The following CD163L1 variants were observed in gnomAD, a reference collection of about 807,000 sequenced individuals.
CD163L1 encodes scavenger receptor cysteine-rich type 1 protein M160.
A neutral mutation model predicts 165.4 loss-of-function variants in CD163L1; 124 were observed. That is an observed-to-expected ratio of 0.75 (90% CI 0.65 to 0.87). The LOEUF (loss-of-function observed/expected upper bound fraction) is 0.87, where lower values mean the gene tolerates loss of function less well. Among genes scored for constraint, CD163L1 ranks in the 40% least tolerant of loss-of-function variants. The pLI is 0.00. For missense variants in CD163L1, 1,525 were observed against 1,799.9 expected (o/e 0.85, Z 2.76); for synonymous variants, 585 against 662.2 (o/e 0.88, Z 1.79).
At chr12:7,389,247 C>T (rs1947590808) in intron 8 of CD163L1, among the ~76,000 whole-genome samples, 1 of 152,214 alleles carries the variant, frequency 6.6e-6, no homozygotes, top group South Asian at 2.1e-4. Context: ...TCCCTTTTCT[C>T]CACATCCTCA....
chr12:7,387,548 T>C (rs771050970), intron 8 of CD163L1, among the ~76,000 whole-genome samples: 10 of 152,114 alleles, frequency 6.6e-5, no homozygotes, highest in Non-Finnish European at 1.3e-4. Context: ...CTTTTGATAA[T>C]GAGTGAGTTG....
In CD163L1 at chr12:7,403,649, A is replaced by G. The variant is rs1293448728; in HGVS notation, c.1294T>C (p.Trp432Arg). Residue 432 changes from tryptophan to arginine, a missense_variant, in exon 6 of 20, where the codon TGG (tryptophan) becomes CGG (arginine). Trp to Arg is a moderately radical substitution (Grantham distance 101). Transcript: ENST00000313599. ...AKPSNEARDI[W>R]INSISCTGNE... ...CCAGTGCAAGATATGCTGTTTATCCAAATGTCTCTAGCTTCATTACTAGGT... is the reference window on the plus strand; with the variant it reads ...CCAGTGCAAGATATGCTGTTTATCCGAATGTCTCTAGCTTCATTACTAGGT... The G allele has an allele frequency of 6.2e-7, 1 of 1,613,934 alleles. No individual in the cohort carries two copies. Among genetic ancestry groups the G allele is most frequent in the Non-Finnish European group, 8.5e-7 (1 of 1,179,966 alleles).
At position 7,375,919 on chromosome 12, in the gene CD163L1, C is replaced by T. The variant is rs749093464; in HGVS notation, c.2467G>A (p.Asp823Asn). The T allele has an allele frequency of 6.2e-7, 1 of 1,614,098 alleles. No homozygotes were observed. The highest frequency in any genetic ancestry group is 1.3e-5 in the African/African-American group (1 of 74,944). ...ADTWRSVCDSDFSLHAANVLC... is the reference protein window; with the variant it reads ...ADTWRSVCDSNFSLHAANVLC... Reference sequence around the variant, plus strand: ...ACATTGGCAGCATGAAGAGAGAAATCAGAATCACAGACAGAGCGCCATGTG... The same window carrying T: ...ACATTGGCAGCATGAAGAGAGAAATTAGAATCACAGACAGAGCGCCATGTG... Residue 823 changes from aspartate to asparagine, a missense_variant, in exon 10 of 20, where the codon GAT (aspartate) becomes AAT (asparagine). By Grantham distance (23) the Asp-to-Asn change is conservative. Transcript: ENST00000313599.
intron 4 of CD163L1, among the ~76,000 whole-genome samples, chr12:7,424,110 A>G (rs780072334): frequency 6.6e-6 from 1 of 152,300 alleles, no homozygotes; most frequent in Admixed American, 6.5e-5. Context: ...ATCCAGCAGC[A>G]CATCAAAGCT....
At chr12:7,393,257 G>A (rs1331883801) in intron 8 of CD163L1, among the ~76,000 whole-genome samples, 1 of 152,120 alleles carries the variant, frequency 6.6e-6, no homozygotes, top group Non-Finnish European at 1.5e-5. Flanking sequence ...GGGATGCCAG[G>A]CTGGTTCAAC....
downstream of CD163L1, among the ~76,000 whole-genome samples, chr12:7,344,179 C>T (rs116435938): frequency 8.5e-3 from 1,287 of 151,696 alleles, 15 homozygotes; most frequent in African/African-American, 0.029. Context: ...CTCCTGGAGT[C>T]AAGTGATCCT....
At chr12:7,336,400 T>C in the CD163L1 span, among the ~76,000 whole-genome samples, 1 of 152,018 alleles carries the variant, frequency 6.6e-6, no homozygotes, top group African/African-American at 2.4e-5. Flanking sequence ...CAGCAAACTA[T>C]TGCGAGGACA....
chr12:7,426,098 A>C (rs366301), intron 4 of CD163L1, among the ~76,000 whole-genome samples: 18,813 of 152,252 alleles, frequency 0.12, 1,676 homozygotes, highest in African/African-American at 0.24. Flanking sequence ...ACACCATGGA[A>C]TACTATGCAG....
At chr12:7,333,232 A>G in the CD163L1 span, among the ~76,000 whole-genome samples, 1 of 152,218 alleles carries the variant, frequency 6.6e-6, no homozygotes, top group South Asian at 2.1e-4. Flanking sequence ...TTGACCGCAT[A>G]GTTGGAAGTA....
rs1382616468 is a variant in CD163L1 at position 7,368,077 on chromosome 12, G to C, written c.4183+10C>G. 6.7e-7 allele frequency: 1 copy of C among 1,488,678 alleles called. No individual in the cohort carries two copies. Among genetic ancestry groups the C allele is most frequent in the Non-Finnish European group, 9.4e-7 (1 of 1,066,248 alleles). The allele number at this position is 1,488,678 out of a possible 1,614,324, so 92.2% of individuals were successfully genotyped here. On this transcript the variant is annotated intron_variant, in intron 17 of 19. Coordinates refer to ENST00000313599, the MANE Select transcript of CD163L1 (RefSeq NM_174941.6). This position sits in a 1 kb window ranked among gnomAD's most constrained non-coding sequence, Gnocchi z 4.3. ...ACTCACATTTTATACAATCCTAGTG[G>C]GGCTCTCACCTCTGAGGGGCAGATG...
At chr12:7,342,702 C>A (rs1450453160), downstream of CD163L1, among the ~76,000 whole-genome samples, 1 of 152,180 alleles carries the variant, frequency 6.6e-6, no homozygotes, top group Admixed American at 6.5e-5. Context: ...GGCACGATCA[C>A]GGCTCACTGC....
At chr12:7,420,968 T>G (rs1455735108) in intron 4 of CD163L1, among the ~76,000 whole-genome samples, 1 of 119,138 alleles carries the variant, frequency 8.4e-6, no homozygotes, top group African/African-American at 3.4e-5. Flanking sequence ...AATCAATGAC[T>G]GGGTAAAGAA....
chr12:7,426,247 C>T (rs1463215133), intron 4 of CD163L1, among the ~76,000 whole-genome samples: 1 of 151,954 alleles, frequency 6.6e-6, no homozygotes, highest in Non-Finnish European at 1.5e-5. Flanking sequence ...ACAATGAGAA[C>T]AGATGAACGC....
At chr12:7,415,341 C>T (rs993618526) in intron 4 of CD163L1, among the ~76,000 whole-genome samples, 2 of 151,926 alleles carry the variant, frequency 1.3e-5, no homozygotes, top group Non-Finnish European at 2.9e-5. Context: ...AGAAAGGAAT[C>T]AAAGAATACT....
At chr12:7,321,585 A>G in the CD163L1 span, among the ~76,000 whole-genome samples, 2 of 152,236 alleles carry the variant, frequency 1.3e-5, no homozygotes, top group Non-Finnish European at 2.9e-5. Context: ...TCACATTTCA[A>G]GAGTAATTCA....
At chr12:7,331,597 C>G in the CD163L1 span, among the ~76,000 whole-genome samples, 1 of 152,184 alleles carries the variant, frequency 6.6e-6, no homozygotes, top group Non-Finnish European at 1.5e-5. Context: ...TCCAGAGGAA[C>G]GATCAGGCAG....
Position 7,375,316 on chromosome 12 carries a change from C to A in CD163L1, c.2966G>T (p.Cys989Phe). The A allele has an allele frequency of 8.1e-6, 13 of 1,614,120 alleles. No individual in the cohort carries two copies. Among genetic ancestry groups the A allele is most frequent in the Non-Finnish European group, 1.1e-5 (13 of 1,180,006 alleles). The change falls in exon 11 of 20, where the codon TGT (cysteine) becomes TTT (phenylalanine). Residue 989 changes from cysteine to phenylalanine, a missense_variant. Transcript: ENST00000313599. ...CQMTVLGAPP[C>F]IHGNTVSVIC... ...CACAGAGACAGTATTTCCATGGATA[C>A]AGGGAGGTGCTCCAAGAACTGTCAT...
chr12:7,440,260 C>G (rs909698157), intron 2 of CD163L1, among the ~76,000 whole-genome samples: 6 of 151,918 alleles, frequency 3.9e-5, no homozygotes, highest in Non-Finnish European at 8.8e-5. Context: ...CCCCGCGAAG[C>G]TCAGGAGCGC....
intron 18 of CD163L1, among the ~76,000 whole-genome samples, chr12:7,358,640 C>A (rs1946827136): frequency 6.6e-6 from 1 of 152,102 alleles, no homozygotes; most frequent in Non-Finnish European, 1.5e-5. Context: ...CTTACACCAA[C>A]ACTCTCTTTA....
Sources: allele counts gnomAD v4.1 joint callset (sites outside exome capture counted in the v4.1 genomes callset), GRCh38; gene constraint gnomAD v4.1.1; non-coding constraint Gnocchi (gnomAD v3.1); transcripts MANE v1.5; gene names NCBI Gene and HGNC (gene_info 2026-07-23, HGNC 2026-07-21).